NPAS3: variants seen among roughly 807,000 people sequenced by gnomAD.
The protein encoded by NPAS3 is neuronal PAS domain-containing protein 3.
NPAS3 carries 14 observed loss-of-function variants against 73.1 expected under a neutral mutation model. The ratio of observed to expected loss-of-function variants is 0.19; its 90% CI spans 0.13 to 0.30. The LOEUF is 0.30. NPAS3 is among the 10% of genes least tolerant of loss of function. NPAS3 has a pLI of 1.00. For synonymous variants in NPAS3, 620 were observed against 541.5 expected (o/e 1.14, Z -2.01); for missense variants, 1,096 against 1,250.0 (o/e 0.88, Z 1.86).
At chr14:33,284,542 C>A (rs1272314004) in intron 3 of NPAS3, among the ~76,000 whole-genome samples, 2 of 152,072 alleles carry the variant, frequency 1.3e-5, no homozygotes, top group Non-Finnish European at 2.9e-5. Flanking sequence ...AGCCACAAAT[C>A]TGCCACATTA....
chr14:33,281,576 G>A (rs1379564767), intron 3 of NPAS3, among the ~76,000 whole-genome samples: 1 of 152,138 alleles, frequency 6.6e-6, no homozygotes, highest in Non-Finnish European at 1.5e-5. Flanking sequence ...AAGTTGCAGT[G>A]AGCCAAGATC....
intron 1 of NPAS3, among the ~76,000 whole-genome samples, chr14:33,044,045 GATCAAACC>G (rs2040425728): frequency 6.6e-6 from 1 of 152,098 alleles, no homozygotes; most frequent in African/African-American, 2.4e-5. Context: ...GTAGTACTTG[GATCAAACC>G]AATGTTAGTA....
At chr14:33,428,989 G>A (rs2048670578) in intron 4 of NPAS3, among the ~76,000 whole-genome samples, 1 of 152,030 alleles carries the variant, frequency 6.6e-6, no homozygotes, top group African/African-American at 2.4e-5. Context: ...AAATAGCGAG[G>A]AGGTTGGAAA....
At chr14:33,509,101 A>T (rs1399206329) in intron 4 of NPAS3, among the ~76,000 whole-genome samples, 3 of 151,376 alleles carry the variant, frequency 2.0e-5, no homozygotes, top group Non-Finnish European at 4.4e-5. Flanking sequence ...TGTAAGTAAG[A>T]GGATTCAATA....
chr14:33,078,442 G>A (rs1017667294), intron 2 of NPAS3, among the ~76,000 whole-genome samples: 2 of 151,742 alleles, frequency 1.3e-5, no homozygotes, highest in East Asian at 3.9e-4. Context: ...CTGGAGAGGT[G>A]CCTACATCAC....
intron 4 of NPAS3, among the ~76,000 whole-genome samples, chr14:33,547,420 G>C (rs1277255084): frequency 1.3e-5 from 2 of 152,068 alleles, no homozygotes; most frequent in Middle Eastern, 3.2e-3. Flanking sequence ...AGCCATTCTT[G>C]GTCTTCAAAA....
chr14:33,497,023 C>T (rs756612505), intron 4 of NPAS3, among the ~76,000 whole-genome samples: 1 of 152,104 alleles, frequency 6.6e-6, no homozygotes, highest in Non-Finnish European at 1.5e-5. Context: ...AATCAATGTG[C>T]AAAAATCACA....
chr14:33,374,706 G>GT (rs1372219462), intron 4 of NPAS3, among the ~76,000 whole-genome samples: 2 of 149,190 alleles, frequency 1.3e-5, no homozygotes, highest in Non-Finnish European at 3.0e-5. Flanking sequence ...TGTCGGGGCG[G>GT]GGGGGGGAGT....
intron 2 of NPAS3, among the ~76,000 whole-genome samples, chr14:33,163,645 A>G (rs1201004866): frequency 8.4e-6 from 1 of 119,194 alleles, no homozygotes; most frequent in African/African-American, 3.1e-5. Flanking sequence ...TTTTTTTTTC[A>G]AATTTGCATC....
intron 1 of NPAS3, among the ~76,000 whole-genome samples, chr14:32,975,814 A>G (rs1595132912): frequency 6.6e-6 from 1 of 151,748 alleles, no homozygotes; most frequent in East Asian, 1.9e-4. Flanking sequence ...TACCTCTTAA[A>G]GGTAATTTTC....
intron 2 of NPAS3, among the ~76,000 whole-genome samples, chr14:33,113,327 G>A (rs1401851002): frequency 2.0e-5 from 3 of 152,010 alleles, no homozygotes; most frequent in Non-Finnish European, 2.9e-5. Flanking sequence ...ATTTGTTTGT[G>A]TCCTCTTTTA....
At chr14:33,424,801 G>A (rs2048490513) in intron 4 of NPAS3, among the ~76,000 whole-genome samples, 1 of 151,794 alleles carries the variant, frequency 6.6e-6, no homozygotes, top group African/African-American at 2.4e-5. Context: ...ACATCAAGTG[G>A]ATGAGAAATC....
chr14:33,268,949 C>G (rs77249480), intron 3 of NPAS3, among the ~76,000 whole-genome samples: 85 of 152,262 alleles, frequency 5.6e-4, no homozygotes, highest in Non-Finnish European at 1.1e-3. Context: ...GCTGTCATTA[C>G]TGATTCCCTT....
In NPAS3 at chr14:33,800,680, G is replaced by A. The variant is rs1246102272; in HGVS notation, c.2373G>A (p.Glu791=). ...CCTTGCTGTACACTGGGGACCTGGA[G>A]GCGCTGCAGAGGTTGCAGGCGGGCA... is the stretch of plus-strand genomic sequence containing the variant. Residue 791 remains glutamate, a synonymous_variant, in exon 12 of 12, where the codon GAG becomes GAA. Transcript: ENST00000356141. This position sits in a 1 kb window ranked among gnomAD's most constrained non-coding sequence, Gnocchi z 6.5. 1.9e-6 allele frequency: 3 copies of A among 1,544,630 alleles called. No individual in the cohort carries two copies. The highest frequency in any genetic ancestry group is 2.6e-6 in the Non-Finnish European group (3 of 1,147,454).
Position 33,296,133 on chromosome 14 carries a change from T to C in NPAS3, c.386-71053T>C, listed in dbSNP as rs191700022. Reference sequence around the variant, plus strand: ...GTGACTTAGAACTTTGGAATTAGCCTTGATTTTTCAGATGCTACTATACCA... The same window carrying C: ...GTGACTTAGAACTTTGGAATTAGCCCTGATTTTTCAGATGCTACTATACCA... On this transcript the variant is annotated intron_variant, in intron 3 of 11. Coordinates refer to ENST00000356141, the Ensembl canonical transcript of NPAS3. Among the ~76,000 whole-genome samples, 645 of 152,340 alleles carry C rather than the reference T, an allele frequency of 4.2e-3. 3 individuals carry two copies. The highest frequency in any genetic ancestry group is 0.012 in the African/African-American group (485 of 41,582).
intron 3 of NPAS3, among the ~76,000 whole-genome samples, chr14:33,335,033 T>TGTGTGTGCGC (rs752712637): frequency 1.1e-4 from 6 of 54,368 alleles, no homozygotes; most frequent in Non-Finnish European, 2.1e-4. Context: ...TATTCCATTG[T>TGTGTGTGCGC]GTGTGTGTGC....
intron 1 of NPAS3, among the ~76,000 whole-genome samples, chr14:32,960,650 G>GT (rs1209815396): frequency 6.6e-6 from 1 of 152,062 alleles, no homozygotes; most frequent in Non-Finnish European, 1.5e-5. Context: ...CCATTTATTT[G>GT]TTTTTTAAAA....
chr14:33,535,138 T>G (rs1275448738), intron 4 of NPAS3, among the ~76,000 whole-genome samples: 1 of 152,190 alleles, frequency 6.6e-6, no homozygotes, highest in East Asian at 1.9e-4. Context: ...AAGCGTAGTA[T>G]TTACTCAAAT....
At chr14:33,505,350 G>GA (rs1434965019) in intron 4 of NPAS3, among the ~76,000 whole-genome samples, 1 of 151,850 alleles carries the variant, frequency 6.6e-6, no homozygotes, top group South Asian at 2.1e-4. Context: ...CTCTCTAGGG[G>GA]AAAAAAATCA....
Sources: gnomAD v4.1 joint callset for allele counts (sites outside exome capture counted in the v4.1 genomes callset) on GRCh38, gnomAD v4.1.1 for gene constraint, Gnocchi (gnomAD v3.1) non-coding constraint, MANE v1.5 for transcripts, NCBI Gene and HGNC (gene_info 2026-07-23, HGNC 2026-07-21) for gene names.